The following PCDH17 variants were observed in gnomAD, a reference collection of about 807,000 sequenced individuals.
The protein encoded by PCDH17 is protocadherin-17.
A neutral mutation model predicts 67.7 loss-of-function variants in PCDH17; 21 were observed. The ratio of observed to expected loss-of-function variants is 0.31; its 90% CI spans 0.22 to 0.45. The LOEUF is 0.45. PCDH17 is among the 20% of genes least tolerant of loss of function. The pLI, the probability that PCDH17 is intolerant of heterozygous loss-of-function variation, is 1.00. For synonymous variants in PCDH17, 701 were observed against 656.7 expected, an observed-to-expected ratio of 1.07 and a Z score of -1.03; for missense variants, 1,471 against 1,564.8, an observed-to-expected ratio of 0.94 and a Z score of 1.01.
chr13:57,708,601 A>G (rs555544608), intron 3 of PCDH17, among the ~76,000 whole-genome samples: 12 of 152,068 alleles, frequency 7.9e-5, no homozygotes, highest in Admixed American at 7.2e-4. Context: ...CACAAATTAA[A>G]CACAAAGCCA....
intron 3 of PCDH17, among the ~76,000 whole-genome samples, chr13:57,682,178 T>C (rs1237202953): frequency 6.6e-6 from 1 of 151,762 alleles, no homozygotes; most frequent in East Asian, 1.9e-4. Flanking sequence ...ACTCCTACAA[T>C]TTACCTAGTC....
In PCDH17 at chr13:57,634,796, G is replaced by A; in HGVS notation, c.2250G>A (p.Pro750=). 1.9e-6 allele frequency: 3 copies of A among 1,613,996 alleles called. No homozygotes were observed. Among genetic ancestry groups the A allele is most frequent in the Non-Finnish European group, 2.5e-6 (3 of 1,179,988 alleles). The change falls in exon 1 of 4, where the codon CCG becomes CCA. Residue 750 remains proline (P), a synonymous_variant. Transcript: ENST00000377918. The surrounding 1 kb of genome is among the most constrained non-coding windows in gnomAD (Gnocchi z 7.8). ...GCCGCATCGCCGAGTACAGCCACCC[G>A]CAGCTGGGTGGGGGCAAGGGCAAGA... The part of the protein sequence containing the change: ...YNCRIAEYSH[P]QLGGGKGKKK...
chr13:57,716,969 T>C (rs1470919243), intron 3 of PCDH17, among the ~76,000 whole-genome samples: 3 of 152,020 alleles, frequency 2.0e-5, no homozygotes, highest in Non-Finnish European at 4.4e-5. Context: ...GCCCACAAAA[T>C]GTGAGCTGTC....
intron 3 of PCDH17, among the ~76,000 whole-genome samples, chr13:57,674,267 C>T (rs576280436): frequency 1.3e-5 from 2 of 152,048 alleles, no homozygotes; most frequent in Admixed American, 1.3e-4. Flanking sequence ...AACATATCAA[C>T]ATAAAAAAGT....
intron 1 of PCDH17, among the ~76,000 whole-genome samples, chr13:57,659,267 A>G (rs1053686734): frequency 6.6e-6 from 1 of 152,090 alleles, no homozygotes; most frequent in Non-Finnish European, 1.5e-5. Context: ...TACTGCTCAC[A>G]TTATTCTTCT....
intron 3 of PCDH17, among the ~76,000 whole-genome samples, chr13:57,699,328 T>A (rs1234065634): frequency 1.3e-5 from 2 of 152,086 alleles, no homozygotes; most frequent in Non-Finnish European, 2.9e-5. Flanking sequence ...TTCTTTTAAT[T>A]TCCTGAATTC....
In PCDH17 at chr13:57,725,153, G is replaced by A. The variant is rs540534018; in HGVS notation, c.3339G>A (p.Glu1113=). The change falls in exon 4 of 4, where the codon GAG becomes GAA. Residue 1113 remains glutamate, a synonymous_variant. Transcript: ENST00000377918. Reference sequence around the variant, plus strand: ...CCAGAGCCAGCCGGGATTCCAGTGAGATGGGTGCTGTTCTTGAGCAGCTTG... The same window carrying A: ...CCAGAGCCAGCCGGGATTCCAGTGAAATGGGTGCTGTTCTTGAGCAGCTTG... ...VHSRASRDSS[E]MGAVLEQLDH... is the part of the protein sequence containing the mutation. 6.2e-7 allele frequency: 1 copy of A among 1,614,072 alleles called. No individual in the cohort carries two copies. The highest frequency in any genetic ancestry group is 8.5e-7 in the Non-Finnish European group (1 of 1,180,034).
chr13:57,666,889 C>A, intron 3 of PCDH17, 56 bp downstream of exon 3: 2 of 1,357,018 alleles, frequency 1.5e-6, no homozygotes, highest in Non-Finnish European at 2.0e-6. Context: ...TCATTATAAA[C>A]CTATTAGATC....
chr13:57,720,727 T>C (rs1016120775), intron 3 of PCDH17, among the ~76,000 whole-genome samples: 27 of 152,116 alleles, frequency 1.8e-4, no homozygotes, highest in African/African-American at 6.3e-4. Flanking sequence ...AAAATAAAGG[T>C]CTGTATACAA....
intron 3 of PCDH17, among the ~76,000 whole-genome samples, chr13:57,673,663 A>G (rs547288197): frequency 1.3e-5 from 2 of 152,062 alleles, no homozygotes; most frequent in East Asian, 3.9e-4. Context: ...GGGGACAGGA[A>G]GAAACTGTTG....
intron 3 of PCDH17, among the ~76,000 whole-genome samples, chr13:57,685,223 A>T (rs1955494593): frequency 6.6e-6 from 1 of 151,986 alleles, no homozygotes; most frequent in African/African-American, 2.4e-5. Flanking sequence ...GTCTCTTAGT[A>T]CTATAAGTAA....
At chr13:57,666,576 C>T (rs751757016) in intron 2 of PCDH17, 50 bp downstream of exon 2, 2 of 1,606,818 alleles carry the variant, frequency 1.2e-6, no homozygotes, top group Admixed American at 3.3e-5. Flanking sequence ...GCATTCGTGT[C>T]AAAATTGCTT....
chr13:57,711,076 G>T (rs1174435984), intron 3 of PCDH17, among the ~76,000 whole-genome samples: 1 of 151,896 alleles, frequency 6.6e-6, no homozygotes, highest in Non-Finnish European at 1.5e-5. Flanking sequence ...TTAATTAGTT[G>T]GGAAAAGTGT....
intron 3 of PCDH17, among the ~76,000 whole-genome samples, chr13:57,668,474 T>G (rs1052157652): frequency 3.9e-5 from 6 of 152,084 alleles, no homozygotes; most frequent in Non-Finnish European, 8.8e-5. Flanking sequence ...AACTGTTTAA[T>G]TTCATGCCAA....
chr13:57,655,342 A>G (rs1425288460), intron 1 of PCDH17, among the ~76,000 whole-genome samples: 5 of 151,956 alleles, frequency 3.3e-5, no homozygotes, highest in Non-Finnish European at 7.4e-5. Flanking sequence ...TTGAGATGTA[A>G]GAATGGTGAA....
intron 1 of PCDH17, among the ~76,000 whole-genome samples, chr13:57,640,240 A>G (rs1366668365): frequency 6.6e-6 from 1 of 151,998 alleles, no homozygotes; most frequent in Non-Finnish European, 1.5e-5. Context: ...ATAACACAAT[A>G]GAAATGTATC....
In PCDH17 at chr13:57,634,709, G is replaced by A; in HGVS notation, c.2163G>A (p.Ala721=). Reference sequence around the variant, plus strand: ...GCACTATCTCCATCATCCTCCTAGCGGCCATGATCACCATCGCCGTCAAGT... The same window carrying A: ...GCACTATCTCCATCATCCTCCTAGCAGCCATGATCACCATCGCCGTCAAGT... ...TLSTISIILL[A]AMITIAVKCK... is the part of the protein sequence containing the mutation. Residue 721 remains alanine (A), a synonymous_variant, in exon 1 of 4, where the codon GCG becomes GCA. Transcript: ENST00000377918. This position sits in a 1 kb window ranked among gnomAD's most constrained non-coding sequence, Gnocchi z 7.8. 6.2e-7 allele frequency: 1 copy of A among 1,613,844 alleles called. No individual in the cohort carries two copies. The highest frequency in any genetic ancestry group is 2.2e-5 in the East Asian group (1 of 44,844).
intron 3 of PCDH17, among the ~76,000 whole-genome samples, chr13:57,680,575 G>A (rs928213341): frequency 5.3e-5 from 8 of 151,346 alleles, no homozygotes; most frequent in African/African-American, 1.9e-4. Flanking sequence ...TATTGCTTTA[G>A]AATGATTTTT....
At chr13:57,702,196 C>T (rs1202066740) in intron 3 of PCDH17, among the ~76,000 whole-genome samples, 1 of 152,006 alleles carries the variant, frequency 6.6e-6, no homozygotes, top group African/African-American at 2.4e-5. Flanking sequence ...AGAATACAGG[C>T]GTGAGCCACC....
Sources: gnomAD v4.1 joint callset for allele counts (sites outside exome capture counted in the v4.1 genomes callset) on GRCh38, gnomAD v4.1.1 for gene constraint, Gnocchi (gnomAD v3.1) non-coding constraint, MANE v1.5 for transcripts, NCBI Gene and HGNC (gene_info 2026-07-23, HGNC 2026-07-21) for gene names.